The following DNAAF1 variants were observed in gnomAD, a reference collection of about 807,000 sequenced individuals.
DNAAF1 encodes dynein axonemal assembly factor 1, also known as dynein assembly factor 1, axonemal.
A neutral mutation model predicts 71.1 loss-of-function variants in DNAAF1; 65 were observed. The ratio of observed to expected loss-of-function variants is 0.91; its 90% CI spans 0.75 to 1.12. The LOEUF is 1.12. Ranked by LOEUF, DNAAF1 falls within the 50% of genes most tolerant of loss-of-function variation. The pLI is 0.00. For synonymous variants in DNAAF1, 414 were observed against 354.6 expected, an observed-to-expected ratio of 1.17 and a Z score of -1.88; for missense variants, 1,178 against 899.8, an observed-to-expected ratio of 1.31 and a Z score of -3.96.
intron 3 of DNAAF1, among the ~76,000 whole-genome samples, chr16:84,153,765 AT>A (rs949670751): frequency 6.6e-6 from 1 of 152,236 alleles, no homozygotes; most frequent in Non-Finnish European, 1.5e-5. Flanking sequence ...AATTTGGCTC[AT>A]AAAACTGAAA....
In DNAAF1 at chr16:84,157,281, G is replaced by C. The variant is rs925683751; in HGVS notation, c.741+1532G>C. On this transcript the variant is annotated intron_variant, in intron 5 of 11. Coordinates refer to ENST00000378553, the MANE Select transcript of DNAAF1 (RefSeq NM_178452.6). ...CCCACACCTGTAATCCCAGCACTTT[G>C]GGAGGCCCAGGTGGGCAGGTCACTT... 5.3e-5 allele frequency among the ~76,000 whole-genome samples: 8 copies of C among 152,144 alleles called. 1 individual carries two copies. The South Asian group carries it at 1.0e-3, about 20-fold the overall frequency.
chr16:84,169,932 C>G lies in DNAAF1; in HGVS notation c.1104C>G (p.Asp368Glu). 6.2e-7 allele frequency: 1 copy of G among 1,614,152 alleles called. No homozygotes were observed. Reference protein sequence around the residue: ...SAEGKEEPPGDRETRQKMELF... With the variant: ...SAEGKEEPPGERETRQKMELF... Reference sequence around the variant, plus strand: ...AAGGCAAGGAGGAGCCTCCCGGGGACAGAGAAACAAGGCAGAAGATGGAGC... The same window carrying G: ...AAGGCAAGGAGGAGCCTCCCGGGGAGAGAGAAACAAGGCAGAAGATGGAGC... The change falls in exon 8 of 12, where the codon GAC becomes GAG. Residue 368 changes from aspartate (D) to glutamate (E), a missense_variant. By Grantham distance (45) the Asp-to-Glu change is conservative. Coordinates refer to ENST00000378553, the MANE Select transcript of DNAAF1 (RefSeq NM_178452.6).
intron 1 of DNAAF1, among the ~76,000 whole-genome samples, chr16:84,146,609 T>A: frequency 6.6e-6 from 1 of 151,964 alleles, no homozygotes; most frequent in East Asian, 1.9e-4. Context: ...TCCACTTACT[T>A]GGGAGGCTAA....
chr16:84,177,330 C>T (rs889655), intron 11 of DNAAF1: 105,257 of 338,100 alleles, frequency 0.31, 18,074 homozygotes, highest in Admixed American at 0.41. Context: ...GGCTGGAATG[C>T]AGTCATGTGA....
intron 4 of DNAAF1, among the ~76,000 whole-genome samples, chr16:84,155,110 G>C (rs972677712): frequency 6.6e-6 from 1 of 152,060 alleles, no homozygotes; most frequent in Non-Finnish European, 1.5e-5. Flanking sequence ...GGGTTTCACC[G>C]TGTTAGCCAG....
chr16:84,152,800 A>G (rs1449769293), intron 3 of DNAAF1, among the ~76,000 whole-genome samples: 9 of 152,150 alleles, frequency 5.9e-5, no homozygotes. Context: ...CTAAAAATAC[A>G]AAAATTAGCC....
intron 1 of DNAAF1, among the ~76,000 whole-genome samples, chr16:84,147,092 C>T (rs1170049856): frequency 1.3e-5 from 2 of 152,254 alleles, no homozygotes; most frequent in Admixed American, 6.5e-5. Context: ...GCCTTAGTCT[C>T]CTCATCTGTA....
chr16:84,152,565 G>T (rs111820593), intron 3 of DNAAF1, among the ~76,000 whole-genome samples: 2,062 of 150,168 alleles, frequency 0.014, 51 homozygotes, highest in African/African-American at 0.044. Context: ...CAGGAGAATC[G>T]CTTGAACCCA....
intron 6 of DNAAF1, chr16:84,162,338 C>T (rs1184164748): frequency 6.6e-6 from 1 of 152,038 alleles, no homozygotes; most frequent in East Asian, 1.9e-4. Context: ...TGTGGTGGCT[C>T]ACGGCTGTAA....
chr16:84,150,763 A>G (rs1470892481), intron 3 of DNAAF1, among the ~76,000 whole-genome samples: 2 of 151,734 alleles, frequency 1.3e-5, no homozygotes, highest in Admixed American at 1.3e-4. Context: ...ACAGGTGCCC[A>G]CCACCACGCC....
intron 9 of DNAAF1, chr16:84,174,200 A>G (rs1344155044): frequency 1.9e-6 from 2 of 1,025,734 alleles, no homozygotes; most frequent in African/African-American, 3.4e-5. Context: ...TGCCTCCCCA[A>G]CCACGCACTG....
chr16:84,158,022 A>G (rs1369217641), intron 5 of DNAAF1, among the ~76,000 whole-genome samples: 4 of 152,140 alleles, frequency 2.6e-5, no homozygotes, highest in Admixed American at 1.3e-4. Flanking sequence ...CCTGGCTAAC[A>G]TGGTGAAACC....
intron 5 of DNAAF1, among the ~76,000 whole-genome samples, chr16:84,157,262 C>T (rs2087482606): frequency 6.6e-6 from 1 of 152,090 alleles, no homozygotes; most frequent in Non-Finnish European, 1.5e-5. Context: ...GTGGCCCACA[C>T]CTGTAATCCC....
chr16:84,177,716 C>T lies in DNAAF1; in HGVS notation c.2066-13C>T. On this transcript the variant is annotated splice_polypyrimidine_tract_variant and intron_variant, in intron 11 of 11. Transcript: ENST00000378553. ...TGACAGGGAGAAAGCACAGGTCACC[C>T]TTCCTTCCACAGTGCCGACTGAGAG... 1 of 1,610,188 alleles carries T rather than the reference C, an allele frequency of 6.2e-7. No homozygotes were observed. Among genetic ancestry groups the T allele is most frequent in the Non-Finnish European group, 8.5e-7 (1 of 1,176,806 alleles).
intron 9 of DNAAF1, 111 bp downstream of exon 9, chr16:84,172,486 C>G: frequency 1.3e-6 from 2 of 1,529,078 alleles, no homozygotes; most frequent in Non-Finnish European, 1.8e-6. Context: ...GTCCTTGGGC[C>G]GGCAGGCCTG....
At chr16:84,157,209 T>C (rs1597428993) in intron 5 of DNAAF1, among the ~76,000 whole-genome samples, 1 of 152,252 alleles carries the variant, frequency 6.6e-6, no homozygotes, top group Non-Finnish European at 1.5e-5. Flanking sequence ...TCGCTATCAC[T>C]TTAATTTTTC....
At chr16:84,150,758 T>C (rs2087145837) in intron 3 of DNAAF1, among the ~76,000 whole-genome samples, 1 of 151,814 alleles carries the variant, frequency 6.6e-6, no homozygotes, top group Non-Finnish European at 1.5e-5. Flanking sequence ...GGGTTACAGG[T>C]GCCCACCACC....
In DNAAF1 at chr16:84,155,897, A is replaced by C. The variant is rs190468438; in HGVS notation, c.741+148A>C. On this transcript the variant is annotated intron_variant, in intron 5 of 11. Coordinates refer to ENST00000378553, the MANE Select transcript of DNAAF1 (RefSeq NM_178452.6). Reference sequence around the variant, plus strand: ...TTTTCCTCTTTGTGTTTTTAGCTGGAGTATCTGAAATGCCAGTTATCGTAT... The same window carrying C: ...TTTTCCTCTTTGTGTTTTTAGCTGGCGTATCTGAAATGCCAGTTATCGTAT... The C allele has an allele frequency of 5.1e-4, 547 of 1,074,582 alleles. 6 individuals are homozygous for C. The Admixed American group carries it at 0.01, about 20-fold the overall frequency. 66.6% of individuals were successfully genotyped at this position (1,074,582 alleles called of 1,614,324 possible). A position where few individuals can be genotyped will look rare whatever the true frequency, so the allele number is the denominator to read the frequency against.
chr16:84,150,616 CTTTT>C (rs754336069), intron 3 of DNAAF1, among the ~76,000 whole-genome samples: 3 of 130,348 alleles, frequency 2.3e-5, no homozygotes, highest in Non-Finnish European at 4.8e-5. Context: ...TCTTTTCTTT[CTTTT>C]TTTTTTTTTT....
Sources: gnomAD v4.1 joint callset for allele counts (sites outside exome capture counted in the v4.1 genomes callset) on GRCh38, gnomAD v4.1.1 for gene constraint, MANE v1.5 for transcripts, NCBI Gene and HGNC (gene_info 2026-07-23, HGNC 2026-07-21) for gene names.